Variants in DOK5 observed in about 807,000 individuals in gnomAD.
DOK5 encodes docking protein 5.
A neutral mutation model predicts 43.3 loss-of-function variants in DOK5; 27 were observed. That is an observed-to-expected ratio of 0.62 (90% confidence interval 0.46 to 0.86). The LOEUF is 0.86. Ranked by LOEUF, DOK5 falls within the 40% of genes least tolerant of loss-of-function variation. The pLI is 0.00. For missense variants in DOK5, 373 were observed against 392.9 expected (o/e 0.95, Z 0.43); for synonymous variants, 146 against 140.1 (o/e 1.04, Z -0.30).
chr20:54,581,741 G>A (rs763540233), intron 2 of DOK5, among the ~76,000 whole-genome samples: 26 of 151,842 alleles, frequency 1.7e-4, no homozygotes, highest in East Asian at 7.7e-4. Flanking sequence ...ATTTTGTATC[G>A]TGCCATTTTA....
At chr20:54,609,576 A>T (rs1437633381) in intron 5 of DOK5, among the ~76,000 whole-genome samples, 1 of 151,986 alleles carries the variant, frequency 6.6e-6, no homozygotes, top group Non-Finnish European at 1.5e-5. Context: ...ACACACACTA[A>T]AATATATAGA....
chr20:54,588,641 G>C (rs371577610), intron 3 of DOK5, 44 bp downstream of exon 3: 66 of 1,613,918 alleles, frequency 4.1e-5, no homozygotes, highest in Non-Finnish European at 5.3e-5. Flanking sequence ...TTTAGATTCT[G>C]AATGGATGCT....
At chr20:54,625,267 G>T (rs528998853) in intron 6 of DOK5, among the ~76,000 whole-genome samples, 1 of 152,292 alleles carries the variant, frequency 6.6e-6, no homozygotes, top group East Asian at 1.9e-4. Context: ...CACATGTTTG[G>T]CAGATCGTTA....
chr20:54,486,032 A>G (rs575657996), intron 1 of DOK5, among the ~76,000 whole-genome samples: 2 of 152,264 alleles, frequency 1.3e-5, no homozygotes, highest in South Asian at 2.1e-4. Context: ...TCCCTTTTAG[A>G]TAAGTGGTTT....
chr20:54,629,604 G>C (rs1978470215), intron 6 of DOK5, among the ~76,000 whole-genome samples: 1 of 152,194 alleles, frequency 6.6e-6, no homozygotes, highest in South Asian at 2.1e-4. Flanking sequence ...GTAAGGCCTT[G>C]TTCCAAGAAG....
At chr20:54,482,206 T>A (rs1981747856) in intron 1 of DOK5, among the ~76,000 whole-genome samples, 1 of 152,224 alleles carries the variant, frequency 6.6e-6, no homozygotes, top group Admixed American at 6.5e-5. Flanking sequence ...TAACTCCAAT[T>A]CGAGTGAATT....
chr20:54,537,831 CTTTTTTTTTTT>C (rs927019328), intron 1 of DOK5, among the ~76,000 whole-genome samples: 6 of 89,536 alleles, frequency 6.7e-5, no homozygotes, highest in East Asian at 3.4e-4. Flanking sequence ...TGTACAAGTT[CTTTTTTTTTTT>C]TTTTTTTTTT....
chr20:54,523,737 C>T (rs1983489903), intron 1 of DOK5, among the ~76,000 whole-genome samples: 1 of 151,504 alleles, frequency 6.6e-6, no homozygotes, highest in Non-Finnish European at 1.5e-5. Flanking sequence ...TCCCAAGTAG[C>T]TGGGATTACA....
intron 6 of DOK5, among the ~76,000 whole-genome samples, chr20:54,640,833 C>T (rs1394982647): frequency 6.6e-6 from 1 of 152,224 alleles, no homozygotes; most frequent in African/African-American, 2.4e-5. Flanking sequence ...ATAACCCCTA[C>T]CTCTAAATTG....
chr20:54,497,805 C>A (rs894536081), intron 1 of DOK5, among the ~76,000 whole-genome samples: 2 of 151,766 alleles, frequency 1.3e-5, no homozygotes, highest in Non-Finnish European at 2.9e-5. Context: ...TATTTTTGTG[C>A]TTTTGTATTT....
intron 2 of DOK5, among the ~76,000 whole-genome samples, chr20:54,567,125 C>T (rs1285202568): frequency 6.6e-6 from 1 of 151,840 alleles, no homozygotes; most frequent in East Asian, 1.9e-4. Flanking sequence ...TCTCCCAGTG[C>T]ATAGATTTTT....
In DOK5 at chr20:54,588,809, A is replaced by G. The variant is rs757586570; in HGVS notation, c.409+3A>G. On this transcript the variant is annotated splice_donor_region_variant and intron_variant, in intron 4 of 7. Transcript: ENST00000262593. Reference sequence around the variant, plus strand: ...TGGGGTTGAGAGAGAACAGAGTGGTATGTAAAGAAAATTCTCTCCTCTCTC... The same window carrying G: ...TGGGGTTGAGAGAGAACAGAGTGGTGTGTAAAGAAAATTCTCTCCTCTCTC... 8.7e-6 allele frequency: 14 copies of G among 1,613,420 alleles called. No homozygotes were observed. Among genetic ancestry groups the G allele is most frequent in the Non-Finnish European group, 1.2e-5 (14 of 1,179,632 alleles).
chr20:54,643,679 T>C, intron 7 of DOK5, 101 bp downstream of exon 7: 1 of 1,450,764 alleles, frequency 6.9e-7, no homozygotes, highest in Non-Finnish European at 9.2e-7. Context: ...AGCTGGTTAG[T>C]GCCCTTCCTC....
intron 5 of DOK5, among the ~76,000 whole-genome samples, chr20:54,598,349 A>C (rs1375761426): frequency 6.6e-6 from 1 of 152,038 alleles, no homozygotes; most frequent in Non-Finnish European, 1.5e-5. Context: ...GTTTCTTTCC[A>C]CTTCAAAGCC....
chr20:54,518,788 T>G (rs961383266), intron 1 of DOK5, among the ~76,000 whole-genome samples: 4 of 151,862 alleles, frequency 2.6e-5, no homozygotes, highest in Non-Finnish European at 5.9e-5. Flanking sequence ...TGGGAGAAAA[T>G]TTTTGCAATC....
intron 6 of DOK5, among the ~76,000 whole-genome samples, chr20:54,616,942 A>T (rs1986833527): frequency 6.6e-6 from 1 of 151,808 alleles, no homozygotes. Context: ...GGCGCCTGCC[A>T]CCACACCCGG....
chr20:54,632,146 TTTTTTGC>T (rs1382049256), intron 6 of DOK5, among the ~76,000 whole-genome samples: 1 of 152,182 alleles, frequency 6.6e-6, no homozygotes, highest in African/African-American at 2.4e-5. Context: ...GGCTTAGAGC[TTTTTTGC>T]TTTTTTCTTG....
intron 2 of DOK5, among the ~76,000 whole-genome samples, chr20:54,572,119 T>C (rs1442479514): frequency 6.6e-6 from 1 of 152,202 alleles, no homozygotes; most frequent in African/African-American, 2.4e-5. Context: ...GTCTCAGTTA[T>C]TCACCGTCTG....
chr20:54,621,060 A>G (rs566450223), intron 6 of DOK5, among the ~76,000 whole-genome samples: 2 of 152,332 alleles, frequency 1.3e-5, no homozygotes, highest in South Asian at 4.1e-4. Flanking sequence ...AATCATATCA[A>G]CGTGTGTAAA....
Sources: allele counts gnomAD v4.1 joint callset (sites outside exome capture counted in the v4.1 genomes callset), GRCh38; gene constraint gnomAD v4.1.1; transcripts MANE v1.5; gene names NCBI Gene and HGNC (gene_info 2026-07-23, HGNC 2026-07-21).